ESRP1: variants seen among roughly 807,000 people sequenced by gnomAD.
ESRP1 encodes the protein RNA-binding motif protein 35A.
Under a neutral mutation model 81.7 loss-of-function variants are expected in ESRP1, and 33 were observed. That is an observed-to-expected ratio of 0.40 (90% CI 0.31 to 0.54). The LOEUF is 0.54. Among genes scored for constraint, ESRP1 ranks in the 20% least tolerant of loss-of-function variants. The pLI is 0.41. For synonymous variants in ESRP1, 320 were observed against 303.3 expected, an observed-to-expected ratio of 1.06 and a Z score of -0.57; for missense variants, 672 against 833.1, an observed-to-expected ratio of 0.81 and a Z score of 2.38.
intron 14 of ESRP1, among the ~76,000 whole-genome samples, chr8:94,694,463 G>A (rs1470568150): frequency 6.6e-6 from 1 of 152,126 alleles, no homozygotes; most frequent in African/African-American, 2.4e-5. Context: ...AACTAGCCAG[G>A]CGTGGTGGCA....
chr8:94,705,732 C>T (rs1810043942), intron 15 of ESRP1, 193 bp from the exon 16 acceptor site: 1 of 563,874 alleles, frequency 1.8e-6, no homozygotes, highest in African/African-American at 1.9e-5. Flanking sequence ...ACTTCCTTGG[C>T]TAGTGCTGTA....
intron 14 of ESRP1, among the ~76,000 whole-genome samples, chr8:94,695,936 G>A (rs896327261): frequency 6.6e-6 from 1 of 152,102 alleles, no homozygotes; most frequent in African/African-American, 2.4e-5. Flanking sequence ...GGTGGTGCAT[G>A]CCTGTAGTCC....
chr8:94,685,263 A>C (rs1451263057), intron 13 of ESRP1, among the ~76,000 whole-genome samples: 2 of 152,134 alleles, frequency 1.3e-5, no homozygotes, highest in African/African-American at 4.8e-5. Flanking sequence ...CAGTATGTTC[A>C]TATCTTGTTT....
chr8:94,705,934 G>A lies in ESRP1; in HGVS notation c.*45G>A, dbSNP rs528498925. On this transcript the variant is annotated 3_prime_UTR_variant, in exon 16 of 16. Coordinates refer to ENST00000433389, the MANE Select transcript of ESRP1 (RefSeq NM_017697.4). The stretch of plus-strand genomic sequence containing the variant: ...TTTTTTTTTTTTTCAGTGTTTGAAA[G>A]ATGTATGGTGATCTTGAAACCTCCA... 5 of 1,456,288 alleles carry A rather than the reference G, an allele frequency of 3.4e-6. No homozygotes were observed. In the Admixed American group the frequency reaches 1.2e-4, roughly 35 times the overall value. 90.2% of individuals were successfully genotyped at this position (1,456,288 alleles called of 1,614,324 possible). A position where few individuals can be genotyped will look rare whatever the true frequency, so the allele number is the denominator to read the frequency against.
rs1250402526 is a variant in ESRP1 at position 94,642,074 on chromosome 8, C to T, written c.251C>T (p.Ala84Val). 1 of 1,611,744 alleles carries T rather than the reference C, an allele frequency of 6.2e-7. No homozygotes were observed. Among genetic ancestry groups the T allele is most frequent in the South Asian group, 1.1e-5 (1 of 91,012 alleles). The change falls in exon 2 of 16, where the codon GCC becomes GTC. Residue 84 changes from alanine to valine, a missense_variant. Coordinates refer to ENST00000433389, the MANE Select transcript of ESRP1 (RefSeq NM_017697.4). ...SLSSASQLDQALRQFNQSVSN... is the reference protein window; with the variant it reads ...SLSSASQLDQVLRQFNQSVSN... ...TCCTCGGCGTCGCAGCTGGACCAAG[C>T]CCTCCGACAGGTGACAACCCCGGGT...
chr8:94,704,178 T>TTTC (rs1277601959), intron 15 of ESRP1, among the ~76,000 whole-genome samples: 6 of 151,060 alleles, frequency 4.0e-5, no homozygotes, highest in Admixed American at 2.0e-4. Context: ...TCTGAGACTT[T>TTTC]TTTTTTTTTT....
At chr8:94,690,201 C>A (rs1377908506) in intron 13 of ESRP1, among the ~76,000 whole-genome samples, 1 of 150,524 alleles carries the variant, frequency 6.6e-6, no homozygotes. Context: ...GTGTCAAATT[C>A]CTGGCCTAAA....
Position 94,641,303 on chromosome 8 carries a change from C to T in ESRP1, c.-16C>T, listed in dbSNP as rs778109246. 5 of 1,610,366 alleles carry T rather than the reference C, an allele frequency of 3.1e-6. No individual in the cohort carries two copies. The highest frequency in any genetic ancestry group is 3.3e-5 in the Admixed American group (2 of 59,820). ...CCGCCTCCCGACCCCCCCTCTCCCC[C>T]TCCCCACCTATCGTCATGACGGCCT... On this transcript the variant is annotated 5_prime_UTR_variant, in exon 1 of 16. Coordinates refer to ENST00000433389, the MANE Select transcript of ESRP1 (RefSeq NM_017697.4).
At chr8:94,643,482 T>A (rs934611551) in intron 3 of ESRP1, 66 bp downstream of exon 3, 139 of 1,097,054 alleles carry the variant, frequency 1.3e-4, no homozygotes, top group Non-Finnish European at 1.9e-4. Context: ...TTTTTAAAAA[T>A]TTTTGGTTTA....
intron 9 of ESRP1, among the ~76,000 whole-genome samples, chr8:94,666,500 T>C (rs907734763): frequency 1.3e-5 from 2 of 152,224 alleles, no homozygotes; most frequent in Admixed American, 6.5e-5. Context: ...TCAAAGAATT[T>C]TGGACCTTTT....
At chr8:94,652,911 A>G (rs959394739) in intron 4 of ESRP1, among the ~76,000 whole-genome samples, 4 of 152,206 alleles carry the variant, frequency 2.6e-5, no homozygotes, top group African/African-American at 7.2e-5. Context: ...CCAACAATAT[A>G]CAAGGTGAAA....
At position 94,668,265 on chromosome 8, in the gene ESRP1, C is replaced by A; in HGVS notation, c.1233+15C>A. On this transcript the variant is annotated intron_variant, in intron 10 of 15. Transcript: ENST00000433389. ...AAGTTCAGCAGGTTGGTTTTAAAAA[C>A]AAGTATGTTGTACCTTTGCATTAAT... 6.4e-7 allele frequency: 1 copy of A among 1,560,664 alleles called. No homozygotes were observed. The highest frequency in any genetic ancestry group is 1.2e-5 in the South Asian group (1 of 82,462).
rs775740755 is a variant in ESRP1, at chr8:94,646,245, T to C, written c.453T>C (p.Pro151=). 2 of 1,612,516 alleles carry C rather than the reference T, an allele frequency of 1.2e-6. No individual in the cohort carries two copies. The highest frequency in any genetic ancestry group is 1.1e-5 in the South Asian group (1 of 90,890). The part of the protein sequence containing the change: ...KEFKKCCPGS[P]DIDKLDVATM... ...TCAAGAAATGTTGCCCTGGTTCACC[T>C]GATATTGACAAACTGGACGTTGCCA... The change falls in exon 4 of 16, where the codon CCT becomes CCC. Residue 151 remains proline, a synonymous_variant. Coordinates refer to ENST00000433389, the MANE Select transcript of ESRP1 (RefSeq NM_017697.4).
Position 94,643,348 on chromosome 8 carries a change from TC to T in ESRP1, c.309del (p.Phe104SerfsTer58). Reference protein sequence around the residue: ...SNELNIGVGTSFCLCTDGQLH... With the variant: ...SNELNIGVGTXFCLCTDGQLH... The stretch of plus-strand genomic sequence containing the variant: ...TGAACTGAATATTGGAGTAGGGACT[TC>T]CTTCTGTCTCTGTACTGATGGGCAG... On this transcript the variant is annotated frameshift_variant, in exon 3 of 16. Transcript: ENST00000433389. LOFTEE classifies it high-confidence loss of function. 1.2e-6 allele frequency: 2 copies of T among 1,613,926 alleles called. No individual in the cohort carries two copies. The highest frequency in any genetic ancestry group is 1.7e-6 in the Non-Finnish European group (2 of 1,179,792).
intron 9 of ESRP1, among the ~76,000 whole-genome samples, chr8:94,667,424 C>T (rs1286472116): frequency 2.6e-5 from 3 of 115,336 alleles, no homozygotes; most frequent in Admixed American, 9.8e-5. Context: ...AATGTTTGAA[C>T]CTTTCTTAAT....
intron 13 of ESRP1, among the ~76,000 whole-genome samples, chr8:94,690,276 A>ATTTTTTTTTTTTT (rs373440584): frequency 3.3e-5 from 2 of 61,370 alleles, no homozygotes; most frequent in Non-Finnish European, 3.0e-5. Context: ...TGCCTGGCTA[A>ATTTTTTTTTTTTT]TTTTTTTTTT....
intron 13 of ESRP1, among the ~76,000 whole-genome samples, chr8:94,685,705 C>T (rs1444602349): frequency 6.6e-6 from 1 of 151,678 alleles, no homozygotes; most frequent in Non-Finnish European, 1.5e-5. Context: ...GAGGCTGAGA[C>T]ATGAGAATGG....
intron 13 of ESRP1, chr8:94,688,581 A>G: frequency 4.8e-6 from 1 of 206,542 alleles, no homozygotes; most frequent in Non-Finnish European, 1.0e-5. Context: ...ATGAAAACAC[A>G]CATGAGGGAA....
At chr8:94,668,789 A>ATGTGTGTGTGTGTGTGTG (rs71303426) in intron 10 of ESRP1, among the ~76,000 whole-genome samples, 2,909 of 143,838 alleles carry the variant, frequency 0.02, 78 homozygotes, top group East Asian at 0.044. Flanking sequence ...AGCTTTCAGC[A>ATGTGTGTGTGTGTGTGTG]TGTGTGTGTG....
Sources: gnomAD v4.1 joint callset for allele counts (sites outside exome capture counted in the v4.1 genomes callset) on GRCh38, gnomAD v4.1.1 for gene constraint, MANE v1.5 for transcripts, NCBI Gene and HGNC (gene_info 2026-07-23, HGNC 2026-07-21) for gene names.